CCDC85A: variants seen among roughly 807,000 people sequenced by gnomAD.
CCDC85A encodes the protein coiled-coil domain containing 85A.
Under a neutral mutation model 50.2 loss-of-function variants are expected in CCDC85A, and 38 were observed. The observed-to-expected ratio is 0.76, with a 90% CI of 0.58 to 0.99. The LOEUF is 0.99. Ranked by LOEUF, CCDC85A falls within the 50% of genes least tolerant of loss-of-function variation. CCDC85A has a pLI of 0.00. For synonymous variants in CCDC85A, 366 were observed against 301.4 expected (o/e 1.21, Z -2.22); for missense variants, 820 against 742.0 (o/e 1.11, Z -1.22).
intron 2 of CCDC85A, among the ~76,000 whole-genome samples, chr2:56,214,156 G>A (rs72801181): frequency 0.02 from 3,013 of 152,046 alleles, 51 homozygotes; most frequent in South Asian, 0.047. Context: ...TCTGGGGCCA[G>A]ACAAGGTTTG....
At chr2:56,195,552 A>C (rs955445056) in intron 2 of CCDC85A, among the ~76,000 whole-genome samples, 6 of 152,254 alleles carry the variant, frequency 3.9e-5, no homozygotes, top group Admixed American at 6.5e-5. Context: ...AAGTGGCACA[A>C]TGAGATGTTT....
intron 2 of CCDC85A, among the ~76,000 whole-genome samples, chr2:56,213,804 G>A (rs1677278163): frequency 6.6e-6 from 1 of 151,948 alleles, no homozygotes; most frequent in Non-Finnish European, 1.5e-5. Flanking sequence ...AGGCATAGAA[G>A]GAGCAAAGTC....
chr2:56,375,174 C>T (rs1676272948), intron 4 of CCDC85A, among the ~76,000 whole-genome samples: 1 of 152,162 alleles, frequency 6.6e-6, no homozygotes, highest in South Asian at 2.1e-4. Flanking sequence ...GTGGCCTGCA[C>T]ATGTCAAATT....
intron 2 of CCDC85A, among the ~76,000 whole-genome samples, chr2:56,237,472 T>C (rs1473931093): frequency 1.3e-5 from 2 of 152,212 alleles, no homozygotes; most frequent in African/African-American, 4.8e-5. Flanking sequence ...TTGTTAACAA[T>C]CTTGCTAAGT....
chr2:56,207,117 G>A (rs1190782957), intron 2 of CCDC85A, among the ~76,000 whole-genome samples: 1 of 152,168 alleles, frequency 6.6e-6, no homozygotes, highest in African/African-American at 2.4e-5. Flanking sequence ...GTCTAGTGCA[G>A]TAAAATTAAT....
chr2:56,314,357 T>A (rs1192523921), intron 2 of CCDC85A, among the ~76,000 whole-genome samples: 1 of 151,742 alleles, frequency 6.6e-6, no homozygotes, highest in East Asian at 1.9e-4. Context: ...TTTAGGAAGT[T>A]TTTTTTTCTT....
intron 2 of CCDC85A, among the ~76,000 whole-genome samples, chr2:56,282,906 T>C (rs1671269612): frequency 6.6e-6 from 1 of 152,236 alleles, no homozygotes; most frequent in African/African-American, 2.4e-5. Context: ...AATTCATTCC[T>C]AATGACTTAA....
In CCDC85A at chr2:56,329,945, G is replaced by GTTTTT. The variant is rs535050957; in HGVS notation, c.1241-12902_1241-12898dup. Among the ~76,000 whole-genome samples, 7 of 44,160 alleles carry GTTTTT rather than the reference G, an allele frequency of 1.6e-4. 1 individual carries two copies. Among genetic ancestry groups the GTTTTT allele is most frequent in the Non-Finnish European group, 2.9e-4 (6 of 20,882 alleles). 29.0% of individuals were successfully genotyped at this position (44,160 alleles called of 152,430 possible). A position where few individuals can be genotyped will look rare whatever the true frequency, so the allele number is the denominator to read the frequency against. On this transcript the variant is annotated intron_variant, in intron 2 of 5. Transcript: ENST00000407595. ...AAAATTTGTTTTTTACAGATTTCCT[G>GTTTTT]TTTTTTTTTTTTTTTTTTTTTTTTT...
chr2:56,357,196 C>T (rs1314936497), intron 3 of CCDC85A, among the ~76,000 whole-genome samples: 1 of 152,016 alleles, frequency 6.6e-6, no homozygotes, highest in Non-Finnish European at 1.5e-5. Flanking sequence ...GTTAGGGAAA[C>T]CAGTCATACT....
At chr2:56,268,340 G>A (rs553727481) in intron 2 of CCDC85A, among the ~76,000 whole-genome samples, 6 of 152,110 alleles carry the variant, frequency 3.9e-5, no homozygotes, top group African/African-American at 9.7e-5. Context: ...GCTCACACCT[G>A]TAATCCCAGC....
chr2:56,383,794 G>T, intron 5 of CCDC85A: 1 of 941,888 alleles, frequency 1.1e-6, no homozygotes. Flanking sequence ...GATATCCTTT[G>T]TTATGGATGT....
intron 2 of CCDC85A, among the ~76,000 whole-genome samples, chr2:56,258,481 GC>G (rs1670081718): frequency 6.6e-6 from 1 of 152,136 alleles, no homozygotes; most frequent in Non-Finnish European, 1.5e-5. Flanking sequence ...TATGGCCTGA[GC>G]TTGGCCTGAG....
At chr2:56,224,636 A>G (rs1459264550) in intron 2 of CCDC85A, among the ~76,000 whole-genome samples, 1 of 152,080 alleles carries the variant, frequency 6.6e-6, no homozygotes, top group East Asian at 1.9e-4. Context: ...TTGCCTTTTT[A>G]TTATAACCTT....
intron 2 of CCDC85A, among the ~76,000 whole-genome samples, chr2:56,199,929 C>T (rs771795302): frequency 1.1e-4 from 17 of 152,244 alleles, no homozygotes; most frequent in Admixed American, 2.0e-4. Flanking sequence ...AGTGCGGTGG[C>T]GCAGTCTTGG....
chr2:56,374,317 G>A (rs1676227480), intron 4 of CCDC85A, among the ~76,000 whole-genome samples: 1 of 152,112 alleles, frequency 6.6e-6, no homozygotes, highest in South Asian at 2.1e-4. Context: ...AGGTGGCAGG[G>A]GGAGCCTTTG....
chr2:56,225,309 C>T (rs566674438), intron 2 of CCDC85A, among the ~76,000 whole-genome samples: 8 of 152,110 alleles, frequency 5.3e-5, no homozygotes, highest in African/African-American at 1.7e-4. Flanking sequence ...GCCTGTAATC[C>T]CAGCTACTTG....
intron 2 of CCDC85A, among the ~76,000 whole-genome samples, chr2:56,211,246 G>C (rs1300809401): frequency 6.6e-6 from 1 of 152,094 alleles, no homozygotes; most frequent in Admixed American, 6.6e-5. Flanking sequence ...CTTCCTGTAG[G>C]AAACTGAATA....
intron 2 of CCDC85A, among the ~76,000 whole-genome samples, chr2:56,234,520 C>G (rs1668917570): frequency 6.6e-6 from 1 of 152,182 alleles, no homozygotes; most frequent in Non-Finnish European, 1.5e-5. Flanking sequence ...AATTAAACCA[C>G]CACATATTTT....
intron 2 of CCDC85A, among the ~76,000 whole-genome samples, chr2:56,217,572 T>C (rs1458965571): frequency 6.6e-6 from 1 of 151,894 alleles, no homozygotes; most frequent in Non-Finnish European, 1.5e-5. Flanking sequence ...AAGTAGACAA[T>C]TGTTTTATTT....
Sources: gnomAD v4.1 joint callset for allele counts (sites outside exome capture counted in the v4.1 genomes callset) on GRCh38, gnomAD v4.1.1 for gene constraint, MANE v1.5 for transcripts, NCBI Gene and HGNC (gene_info 2026-07-23, HGNC 2026-07-21) for gene names.